C12orf50: variants seen among roughly 807,000 people sequenced by gnomAD.
C12orf50 encodes the protein zinc finger CCCH-type containing 11D.
A neutral mutation model predicts 61.6 loss-of-function variants in C12orf50; 35 were observed. The ratio of observed to expected loss-of-function variants is 0.57; its 90% confidence interval spans 0.43 to 0.75. The LOEUF is 0.75. Ranked by LOEUF, C12orf50 falls within the 30% of genes least tolerant of loss-of-function variation. The pLI, the probability that C12orf50 is intolerant of heterozygous loss-of-function variation, is 0.00. For synonymous variants in C12orf50, 178 were observed against 161.5 expected, an observed-to-expected ratio of 1.10 and a Z score of -0.77; for missense variants, 475 against 488.5, an observed-to-expected ratio of 0.97 and a Z score of 0.26.
intron 6 of C12orf50, 137 bp downstream of exon 6, chr12:87,996,237 C>A: frequency 1.5e-6 from 1 of 672,524 alleles, no homozygotes; most frequent in Non-Finnish European, 2.5e-6. Flanking sequence ...TCATCCAATA[C>A]AAACACTTTC....
In C12orf50 at chr12:87,986,064, A is replaced by G. The variant is rs1486249318; in HGVS notation, c.923-11T>C. The G allele has an allele frequency of 1.2e-6, 2 of 1,612,022 alleles. No individual in the cohort carries two copies. The highest frequency in any genetic ancestry group is 2.7e-5 in the African/African-American group (2 of 74,876). ...TTGGGGCCTGTACTGCTGTAAAGAAAGGTGGGAGGGAGTGAGGAATAAAAC... is the reference window on the plus strand; with the variant it reads ...TTGGGGCCTGTACTGCTGTAAAGAAGGGTGGGAGGGAGTGAGGAATAAAAC... On this transcript the variant is annotated splice_polypyrimidine_tract_variant and intron_variant, in intron 10 of 12. Transcript: ENST00000298699.
At chr12:88,008,838 T>C (rs900310643) in intron 3 of C12orf50, among the ~76,000 whole-genome samples, 17 of 152,192 alleles carry the variant, frequency 1.1e-4, no homozygotes, top group African/African-American at 3.9e-4. Flanking sequence ...CCTTATGATC[T>C]CACTACCAAG....
At position 87,989,288 on chromosome 12, in the gene C12orf50, T is replaced by G. The variant is rs759082735; in HGVS notation, c.676A>C (p.Ile226Leu). ...CCTTTAGTATTTGAACATTTTGATATGGTGATTTCTTTCTCTTCAGTTAAA... is the reference window on the plus strand; with the variant it reads ...CCTTTAGTATTTGAACATTTTGATAGGGTGATTTCTTTCTCTTCAGTTAAA... ...EALTEEKEIT[I>L]SKCSNTKDNK... Residue 226 changes from isoleucine (I) to leucine (L), a missense_variant, in exon 8 of 13, where the codon ATA (isoleucine) becomes CTA (leucine). Physicochemically the swap from Ile to Leu is conservative, Grantham distance 5 (BLOSUM62 2). Coordinates refer to ENST00000298699, the MANE Select transcript of C12orf50 (RefSeq NM_152589.3). 6.2e-7 allele frequency: 1 copy of G among 1,608,798 alleles called. No individual in the cohort carries two copies. The highest frequency in any genetic ancestry group is 1.1e-5 in the South Asian group (1 of 90,804).
At chr12:88,020,184 A>T (rs558082568) in intron 3 of C12orf50, among the ~76,000 whole-genome samples, 1 of 152,338 alleles carries the variant, frequency 6.6e-6, no homozygotes, top group East Asian at 1.9e-4. Context: ...AAATCCACAC[A>T]TATCAATGTA....
intron 3 of C12orf50, among the ~76,000 whole-genome samples, chr12:88,002,809 A>G (rs1238535199): frequency 1.3e-5 from 2 of 151,634 alleles, no homozygotes; most frequent in Non-Finnish European, 3.0e-5. Flanking sequence ...CTAGTATAAT[A>G]TTAAATTCCT....
chr12:88,005,912 G>GTTTTTTTT (rs371924944), intron 3 of C12orf50, among the ~76,000 whole-genome samples: 4 of 91,036 alleles, frequency 4.4e-5, no homozygotes, highest in African/African-American at 1.7e-4. Context: ...TGTTTTTTTG[G>GTTTTTTTT]TTTTTTTTTT....
chr12:87,989,292 G>T lies in C12orf50; in HGVS notation c.672C>A (p.Ile224=). 6.2e-7 allele frequency: 1 copy of T among 1,609,366 alleles called. No homozygotes were observed. ...TAGTATTTGAACATTTTGATATGGT[G>T]ATTTCTTTCTCTTCAGTTAAAGCTT... ...ESEALTEEKE[I]TISKCSNTKD... The change falls in exon 8 of 13, where the codon ATC becomes ATA. Residue 224 remains isoleucine (I), a synonymous_variant. Coordinates refer to ENST00000298699, the MANE Select transcript of C12orf50 (RefSeq NM_152589.3).
At chr12:87,990,382 A>G (rs899833134) in intron 7 of C12orf50, among the ~76,000 whole-genome samples, 24 of 152,310 alleles carry the variant, frequency 1.6e-4, no homozygotes, top group Middle Eastern at 6.8e-3. Flanking sequence ...AGATTTATCT[A>G]TAGTGATTGA....
intron 3 of C12orf50, among the ~76,000 whole-genome samples, chr12:88,005,699 G>A (rs1159882944): frequency 6.6e-6 from 1 of 151,984 alleles, no homozygotes; most frequent in Non-Finnish European, 1.5e-5. Context: ...GAGTGCAGTG[G>A]CGCTATCTTG....
At chr12:88,020,800 A>G (rs947034197) in intron 3 of C12orf50, among the ~76,000 whole-genome samples, 3 of 150,022 alleles carry the variant, frequency 2.0e-5, no homozygotes, top group African/African-American at 7.5e-5. Context: ...AACAATACTC[A>G]GCAAATTAAA....
At chr12:88,026,874 T>C in intron 2 of C12orf50, 77 bp downstream of exon 2, 1 of 1,535,692 alleles carries the variant, frequency 6.5e-7, no homozygotes, top group Non-Finnish European at 8.8e-7. Flanking sequence ...TCTTCCATAT[T>C]GTTTTGAAAA....
At chr12:87,989,053 A>G (rs1031025196) in intron 8 of C12orf50, among the ~76,000 whole-genome samples, 2 of 152,114 alleles carry the variant, frequency 1.3e-5, no homozygotes, top group Non-Finnish European at 2.9e-5. Flanking sequence ...GAAATTATAC[A>G]GTCCAACAGG....
At chr12:88,000,056 A>G (rs10777088) in intron 3 of C12orf50, among the ~76,000 whole-genome samples, 18,295 of 152,112 alleles carry the variant, frequency 0.12, 1,478 homozygotes, top group African/African-American at 0.23. Context: ...CTGTTAATGA[A>G]TGTGAGTTTG....
Position 87,998,069 on chromosome 12 carries a change from A to G in C12orf50, c.255T>C (p.Asn85=). 1 of 1,611,852 alleles carries G rather than the reference A, an allele frequency of 6.2e-7. No individual in the cohort carries two copies. The highest frequency in any genetic ancestry group is 1.3e-5 in the African/African-American group (1 of 74,976). The change falls in exon 4 of 13, where the codon AAT becomes AAC. Residue 85 remains asparagine (N), a synonymous_variant. Transcript: ENST00000298699. ...CATCTACTTCCTCTTCTTCCTCAAAATTAGTTTTTAAAACTAAAGGATGGT... is the reference window on the plus strand; with the variant it reads ...CATCTACTTCCTCTTCTTCCTCAAAGTTAGTTTTTAAAACTAAAGGATGGT... The part of the protein sequence containing the change: ...PIHHPLVLKT[N]FEEEEEVDEQ...
intron 3 of C12orf50, 26 bp downstream of exon 3, chr12:88,026,462 C>G: frequency 6.2e-7 from 1 of 1,610,654 alleles, no homozygotes; most frequent in Non-Finnish European, 8.5e-7. Flanking sequence ...TATGGTAAGT[C>G]TATGTTATTC....
chr12:88,024,821 G>A (rs1274582978), intron 3 of C12orf50, among the ~76,000 whole-genome samples: 2 of 152,128 alleles, frequency 1.3e-5, no homozygotes, highest in African/African-American at 2.4e-5. Context: ...TGTCCTGCAA[G>A]CTAGATAGGA....
At chr12:88,020,479 G>A (rs1361686660) in intron 3 of C12orf50, among the ~76,000 whole-genome samples, 1 of 152,044 alleles carries the variant, frequency 6.6e-6, no homozygotes, top group Non-Finnish European at 1.5e-5. Flanking sequence ...AATTCAACAA[G>A]AAGACCTTAC....
intron 4 of C12orf50, among the ~76,000 whole-genome samples, chr12:87,997,494 T>C (rs75257277): frequency 3.6e-4 from 55 of 152,200 alleles, no homozygotes; most frequent in Non-Finnish European, 6.6e-4. Flanking sequence ...ACACATGCCA[T>C]GGTGGTTTGC....
chr12:88,029,771 T>A (rs767621671), upstream of C12orf50, among the ~76,000 whole-genome samples: 3 of 152,146 alleles, frequency 2.0e-5, no homozygotes, highest in Admixed American at 6.6e-5. Context: ...AACAATTATT[T>A]AAATATGTAC....
Sources: gnomAD v4.1 joint callset for allele counts (sites outside exome capture counted in the v4.1 genomes callset) on GRCh38, gnomAD v4.1.1 for gene constraint, MANE v1.5 for transcripts, NCBI Gene and HGNC (gene_info 2026-07-23, HGNC 2026-07-21) for gene names.